The following OPCML variants were observed in gnomAD, a reference collection of about 807,000 sequenced individuals.
OPCML encodes opioid binding protein/cell adhesion molecule like, also known as opioid-binding protein/cell adhesion molecule.
Under a neutral mutation model 37.8 loss-of-function variants are expected in OPCML, and 13 were observed. The ratio of observed to expected loss-of-function variants is 0.34; its 90% CI spans 0.22 to 0.55. OPCML has a LOEUF of 0.55. OPCML is among the 20% of genes least tolerant of loss of function. The pLI is 0.91. For synonymous variants in OPCML, 176 were observed against 168.8 expected (o/e 1.04, Z -0.33); for missense variants, 341 against 435.6 (o/e 0.78, Z 1.93).
chr11:133,315,644 C>G (rs534301080), intron 1 of OPCML, among the ~76,000 whole-genome samples: 2 of 152,228 alleles, frequency 1.3e-5, no homozygotes, highest in Non-Finnish European at 2.9e-5. Flanking sequence ...ACTAAAAATA[C>G]AAAATTAGCC....
chr11:133,427,229 A>G (rs1008255225), intron 1 of OPCML, among the ~76,000 whole-genome samples: 2 of 152,182 alleles, frequency 1.3e-5, no homozygotes, highest in Non-Finnish European at 2.9e-5. Flanking sequence ...GCATCAATAA[A>G]TTCTTAGTAG....
chr11:132,518,680 C>T (rs1311511900), intron 4 of OPCML, among the ~76,000 whole-genome samples: 3 of 152,140 alleles, frequency 2.0e-5, no homozygotes, highest in Non-Finnish European at 4.4e-5. Flanking sequence ...TTACCCTAGG[C>T]TATACCACAC....
At chr11:133,203,034 T>C (rs1938869557) in intron 1 of OPCML, among the ~76,000 whole-genome samples, 1 of 152,156 alleles carries the variant, frequency 6.6e-6, no homozygotes, top group South Asian at 2.1e-4. Context: ...GTTTCTGCTG[T>C]TACATAGGAG....
intron 1 of OPCML, among the ~76,000 whole-genome samples, chr11:133,155,915 G>T (rs1337719378): frequency 1.3e-5 from 2 of 152,162 alleles, no homozygotes; most frequent in South Asian, 2.1e-4. Flanking sequence ...CCTGACCTTT[G>T]TACCTACTGA....
At chr11:132,969,001 T>G (rs1460249940) in intron 1 of OPCML, among the ~76,000 whole-genome samples, 1 of 152,072 alleles carries the variant, frequency 6.6e-6, no homozygotes, top group African/African-American at 2.4e-5. Flanking sequence ...TGGTTTTATT[T>G]TATTCTTTAT....
At chr11:132,536,827 G>A (rs1014986769) in intron 3 of OPCML, among the ~76,000 whole-genome samples, 2 of 152,190 alleles carry the variant, frequency 1.3e-5, no homozygotes, top group Non-Finnish European at 2.9e-5. Context: ...ACTGCATGAA[G>A]TGTAAGGAGG....
At chr11:133,259,514 C>G (rs752037843) in intron 1 of OPCML, among the ~76,000 whole-genome samples, 4 of 152,166 alleles carry the variant, frequency 2.6e-5, no homozygotes, top group Non-Finnish European at 5.9e-5. Context: ...CATTCAAAGT[C>G]AGTCCTGTCC....
At chr11:132,945,438 A>G (rs1156758761) in intron 1 of OPCML, among the ~76,000 whole-genome samples, 1 of 152,240 alleles carries the variant, frequency 6.6e-6, no homozygotes, top group Non-Finnish European at 1.5e-5. Flanking sequence ...AAAGATTAAA[A>G]AATGGTACAT....
At chr11:133,064,296 C>T (rs1384367149) in intron 1 of OPCML, among the ~76,000 whole-genome samples, 1 of 152,224 alleles carries the variant, frequency 6.6e-6, no homozygotes, top group Non-Finnish European at 1.5e-5. Context: ...ACTTGTGGAG[C>T]TTTGTCTCCC....
chr11:133,500,121 C>T (rs1947880443), intron 1 of OPCML, among the ~76,000 whole-genome samples: 1 of 152,124 alleles, frequency 6.6e-6, no homozygotes, highest in Non-Finnish European at 1.5e-5. Flanking sequence ...CCATCCACCT[C>T]AGCCTCCCAA....
intron 1 of OPCML, among the ~76,000 whole-genome samples, chr11:133,255,162 G>C (rs571110613): frequency 6.6e-6 from 1 of 151,818 alleles, no homozygotes; most frequent in Non-Finnish European, 1.5e-5. Context: ...CTCACTCTCC[G>C]GCCCTGAAGC....
intron 2 of OPCML, among the ~76,000 whole-genome samples, chr11:132,702,549 T>A (rs1477128645): frequency 6.6e-6 from 1 of 152,192 alleles, no homozygotes; most frequent in Admixed American, 6.5e-5. Context: ...AGATCTTTTA[T>A]GTTTAGTCTA....
intron 3 of OPCML, among the ~76,000 whole-genome samples, chr11:132,553,904 A>G (rs566439908): frequency 6.6e-6 from 1 of 152,302 alleles, no homozygotes; most frequent in East Asian, 1.9e-4. Flanking sequence ...TGAGAAGAGA[A>G]AAGATATTAA....
Position 133,091,970 on chromosome 11 carries a change from C to T in OPCML, c.62-148960G>A, listed in dbSNP as rs1431781. Reference sequence around the variant, plus strand: ...TATAGTCTGAATATCTTCCAAAATTCGTGTGCAGAAACTTAATTTCCAATG... The same window carrying T: ...TATAGTCTGAATATCTTCCAAAATTTGTGTGCAGAAACTTAATTTCCAATG... On this transcript the variant is annotated intron_variant, in intron 1 of 7. Coordinates refer to ENST00000524381, the MANE Select transcript of OPCML (RefSeq NM_001012393.5). 3.4e-3 allele frequency among the ~76,000 whole-genome samples: 513 copies of T among 152,212 alleles called. 1 individual carries two copies. Among genetic ancestry groups the T allele is most frequent in the Non-Finnish European group, 5.5e-3 (376 of 68,010 alleles).
intron 2 of OPCML, among the ~76,000 whole-genome samples, chr11:132,826,917 G>A (rs1231166281): frequency 1.3e-5 from 2 of 152,102 alleles, no homozygotes; most frequent in African/African-American, 4.8e-5. Flanking sequence ...GGGATCCTAA[G>A]GAAGAAATAT....
chr11:133,342,989 G>A (rs914674617), intron 1 of OPCML, among the ~76,000 whole-genome samples: 2 of 152,062 alleles, frequency 1.3e-5, no homozygotes, highest in African/African-American at 2.4e-5. Flanking sequence ...TGCAACCTTT[G>A]AACATCTCCC....
chr11:133,099,442 CT>C (rs35161811), intron 1 of OPCML, among the ~76,000 whole-genome samples: 51,046 of 119,490 alleles, frequency 0.43, 9,141 homozygotes, highest in Admixed American at 0.52. Context: ...TTCTTTTTTT[CT>C]TTTTTTTTTT....
At position 132,510,216 on chromosome 11, in the gene OPCML, C is replaced by G. The variant is rs544502912; in HGVS notation, c.505+18845G>C. ...CTCCCTTTTGGAATGACTATATTTA[C>G]CCAGTATCTGTACCCCCATCGTATC... On this transcript the variant is annotated intron_variant, in intron 4 of 7. Transcript: ENST00000524381. 1.7e-3 allele frequency among the ~76,000 whole-genome samples: 258 copies of G among 152,252 alleles called. 1 individual carries two copies. Among genetic ancestry groups the G allele is most frequent in the African/African-American group, 5.7e-3 (238 of 41,574 alleles).
intron 1 of OPCML, chr11:133,301,705 G>A: frequency 6.6e-6 from 1 of 152,092 alleles, no homozygotes; most frequent in African/African-American, 2.4e-5. Context: ...TAGTGTACCT[G>A]GACTCCTTCA....
Sources: allele counts gnomAD v4.1 joint callset (sites outside exome capture counted in the v4.1 genomes callset), GRCh38; gene constraint gnomAD v4.1.1; transcripts MANE v1.5; gene names NCBI Gene and HGNC (gene_info 2026-07-23, HGNC 2026-07-21).